The following CHAT variants were observed in gnomAD, a reference collection of about 807,000 sequenced individuals.
The protein encoded by CHAT is acetyl CoA:choline O-acetyltransferase.
CHAT carries 61 observed loss-of-function variants against 76.9 expected under a neutral mutation model. The observed-to-expected ratio is 0.79, with a 90% CI of 0.65 to 0.98. The LOEUF is 0.98. Ranked by LOEUF, CHAT falls within the 50% of genes least tolerant of loss-of-function variation. The probability of loss-of-function intolerance (pLI) is 0.00; values close to 1 mark genes in which losing one functional copy is unlikely to be tolerated. For missense variants in CHAT, 946 were observed against 986.9 expected (o/e 0.96, Z 0.56); for synonymous variants, 407 against 397.4 (o/e 1.02, Z -0.29).
At chr10:49,659,802 C>T (rs1840137807) in intron 13 of CHAT, among the ~76,000 whole-genome samples, 1 of 152,036 alleles carries the variant, frequency 6.6e-6, no homozygotes, top group Non-Finnish European at 1.5e-5. Context: ...GTGGAAGTTG[C>T]AGTCAGCCGA....
At chr10:49,612,268 G>C, upstream of CHAT, 1 of 1,610,948 alleles carries the variant, frequency 6.2e-7, no homozygotes, top group Non-Finnish European at 8.5e-7. Context: ...CCAGGACGGC[G>C]AGCCTCGCAG....
chr10:49,633,059 C>T (rs936818196), intron 7 of CHAT, among the ~76,000 whole-genome samples: 2 of 152,240 alleles, frequency 1.3e-5, no homozygotes, highest in Non-Finnish European at 2.9e-5. Flanking sequence ...AGACAGATTC[C>T]TGAGGGGCTG....
In CHAT at chr10:49,667,010, C is replaced by T. The variant is rs541587295; in HGVS notation, c.*1964C>T. Among the ~76,000 whole-genome samples the T allele has an allele frequency of 2.6e-4, 39 of 152,330 alleles. 1 individual carries two copies. Among genetic ancestry groups the T allele is most frequent in the Non-Finnish European group, 2.6e-4 (18 of 68,030 alleles). On this transcript the variant is annotated 3_prime_UTR_variant, in exon 15 of 15. Transcript: ENST00000337653. ...TGGGGCCAGGCAGCCCCACCAACCT[C>T]GGCCAAATGACATGCATGCCCAGAG...
intron 5 of CHAT, among the ~76,000 whole-genome samples, chr10:49,623,002 C>T (rs1838784908): frequency 6.6e-6 from 1 of 152,206 alleles, no homozygotes; most frequent in East Asian, 1.9e-4. Context: ...GCAGGCAGAG[C>T]TCCCAGACTG....
chr10:49,654,988 C>T, intron 11 of CHAT, 107 bp from the exon 12 acceptor site: 1 of 1,156,230 alleles, frequency 8.6e-7, no homozygotes, highest in Admixed American at 1.7e-5. Flanking sequence ...TCTGCCAAGT[C>T]AAGTCAGGGC....
At chr10:49,627,820 T>G in intron 7 of CHAT, 35 bp downstream of exon 7, 1 of 1,605,214 alleles carries the variant, frequency 6.2e-7, no homozygotes, top group Non-Finnish European at 8.5e-7. Flanking sequence ...TCCATGCCCA[T>G]CTCATGCTCG....
chr10:49,614,229 G>A lies in CHAT; in HGVS notation c.40G>A (p.Gly14Arg). The change falls in exon 1 of 15, where the codon GGG becomes AGG. Residue 14 changes from glycine to arginine, a missense_variant. Coordinates refer to ENST00000337653, the MANE Select transcript of CHAT (RefSeq NM_020549.5). The part of the protein sequence containing the change: ...RTAKKRGLGG[G>R]GKWKREEGGG... Reference sequence around the variant, plus strand: ...AGCGAAGAAGAGGGGGCTTGGGGGAGGGGGGAAATGGAAGAGAGAGGAGGG... The same window carrying A: ...AGCGAAGAAGAGGGGGCTTGGGGGAAGGGGGAAATGGAAGAGAGAGGAGGG... 1 of 1,537,734 alleles carries A rather than the reference G, an allele frequency of 6.5e-7. No homozygotes were observed. The highest frequency in any genetic ancestry group is 8.8e-7 in the Non-Finnish European group (1 of 1,138,038).
chr10:49,612,219 G>A (rs376281494), upstream of CHAT: 45 of 1,609,084 alleles, frequency 2.8e-5, no homozygotes, highest in Admixed American at 2.8e-4. Flanking sequence ...CGCAAGGTCT[G>A]TACGATGCGG....
upstream of CHAT, chr10:49,611,632 C>G: frequency 6.2e-7 from 1 of 1,611,900 alleles, no homozygotes; most frequent in Non-Finnish European, 8.5e-7. Context: ...GGCCGGCGCG[C>G]TCACCACCTG....
chr10:49,610,406 C>T, upstream of CHAT: 1 of 285,018 alleles, frequency 3.5e-6, no homozygotes, highest in South Asian at 1.6e-4. Context: ...GCGCGGGCGG[C>T]CTCTTAGCGC....
chr10:49,612,154 G>A (rs778197467), upstream of CHAT: 10 of 1,611,340 alleles, frequency 6.2e-6, no homozygotes, highest in Non-Finnish European at 6.8e-6. Context: ...GCTCCGCAAC[G>A]TGGGCCTCCT....
intron 7 of CHAT, among the ~76,000 whole-genome samples, chr10:49,643,391 C>T (rs1421714143): frequency 6.6e-6 from 1 of 152,222 alleles, no homozygotes; most frequent in East Asian, 1.9e-4. Context: ...CCACCCTGCA[C>T]TACTATACAC....
At chr10:49,614,672 G>A (rs1012670956) in intron 1 of CHAT, among the ~76,000 whole-genome samples, 197 bp downstream of exon 1, 2 of 152,216 alleles carry the variant, frequency 1.3e-5, no homozygotes, top group Non-Finnish European at 2.9e-5. Flanking sequence ...CTGGGCTTGG[G>A]GAGGCTTAAC....
intron 9 of CHAT, 36 bp downstream of exon 9, chr10:49,648,643 A>C (rs1407631008): frequency 6.9e-7 from 1 of 1,451,150 alleles, no homozygotes; most frequent in South Asian, 1.2e-5. Flanking sequence ...TGCTGGGCCC[A>C]AAAAAATGTG....
At chr10:49,627,556 T>C in intron 6 of CHAT, 52 bp from the exon 7 acceptor site, 1 of 1,586,440 alleles carries the variant, frequency 6.3e-7, no homozygotes, top group South Asian at 1.1e-5. Flanking sequence ...AGTGAAGGCC[T>C]GGTGCCACGG....
At chr10:49,648,753 AC>A in intron 9 of CHAT, 146 bp downstream of exon 9, 1 of 659,356 alleles carries the variant, frequency 1.5e-6, no homozygotes, top group Non-Finnish European at 2.8e-6. Flanking sequence ...ACACACACAC[AC>A]ACACGATGAA....
At chr10:49,612,027 G>T (rs1192298145), upstream of CHAT, 7 of 1,613,598 alleles carry the variant, frequency 4.3e-6, no homozygotes, top group Middle Eastern at 1.6e-4. Flanking sequence ...TCTCCTATTC[G>T]GTGGCCTACG....
At chr10:49,622,278 T>TG in intron 5 of CHAT, 128 bp downstream of exon 5, 1 of 983,998 alleles carries the variant, frequency 1.0e-6, no homozygotes, top group East Asian at 2.4e-5. Flanking sequence ...CAGATGTCCC[T>TG]GCCCCAACCC....
rs188426123 is a variant in CHAT, at chr10:49,626,600, G to A, written c.933+947G>A. Among the ~76,000 whole-genome samples the A allele has an allele frequency of 3.1e-3, 477 of 152,234 alleles. 3 individuals carry two copies. Among genetic ancestry groups the A allele is most frequent in the African/African-American group, 0.011 (465 of 41,526 alleles). On this transcript the variant is annotated intron_variant, in intron 6 of 14. Coordinates refer to ENST00000337653, the MANE Select transcript of CHAT (RefSeq NM_020549.5). ...ACCTGACACCTTGGCCATAGACCAA[G>A]GACGTTTCCCCATCTTCATTCAAAA...
Sources: allele counts gnomAD v4.1 joint callset (sites outside exome capture counted in the v4.1 genomes callset), GRCh38; gene constraint gnomAD v4.1.1; transcripts MANE v1.5; gene names NCBI Gene and HGNC (gene_info 2026-07-23, HGNC 2026-07-21).